Variants in TRAPPC9 observed in about 807,000 individuals in gnomAD.
The protein encoded by TRAPPC9 is trafficking protein particle complex subunit 9.
Under a neutral mutation model 124.0 loss-of-function variants are expected in TRAPPC9, and 83 were observed. The ratio of observed to expected loss-of-function variants is 0.67; its 90% CI spans 0.56 to 0.80. TRAPPC9 has a LOEUF of 0.80. Among genes scored for constraint, TRAPPC9 ranks in the 30% least tolerant of loss-of-function variants. TRAPPC9 has a pLI of 0.00. For synonymous variants in TRAPPC9, 638 were observed against 617.5 expected, an observed-to-expected ratio of 1.03 and a Z score of -0.49; for missense variants, 1,302 against 1,508.3, an observed-to-expected ratio of 0.86 and a Z score of 2.27.
At chr8:140,111,975 G>A (rs534166966) in intron 17 of TRAPPC9, among the ~76,000 whole-genome samples, 20 of 152,398 alleles carry the variant, frequency 1.3e-4, no homozygotes, top group African/African-American at 4.8e-4. Context: ...CGCCATGGCA[G>A]GACTTGGTGG....
chr8:139,894,555 G>A (rs574520331), intron 20 of TRAPPC9, among the ~76,000 whole-genome samples: 18 of 152,184 alleles, frequency 1.2e-4, no homozygotes, highest in East Asian at 1.2e-3. Context: ...TGCCTGCAGC[G>A]GAGGGAGGGG....
At chr8:140,400,015 G>A (rs761210319) in intron 6 of TRAPPC9, among the ~76,000 whole-genome samples, 8 of 152,138 alleles carry the variant, frequency 5.3e-5, no homozygotes, top group African/African-American at 1.2e-4. Context: ...AGGAGCTTCC[G>A]CTTTGGAGTC....
chr8:139,979,369 G>A (rs1027250518), intron 19 of TRAPPC9, among the ~76,000 whole-genome samples: 12 of 152,318 alleles, frequency 7.9e-5, no homozygotes, highest in African/African-American at 2.2e-4. Context: ...CAAGCCAAAC[G>A]TCTCTAGCCC....
At chr8:139,891,076 A>C (rs1349009040) in intron 20 of TRAPPC9, among the ~76,000 whole-genome samples, 1 of 152,146 alleles carries the variant, frequency 6.6e-6, no homozygotes, top group Non-Finnish European at 1.5e-5. Context: ...TTTTCTTAAG[A>C]GGAGTTGCTT....
intron 19 of TRAPPC9, among the ~76,000 whole-genome samples, chr8:139,964,224 C>CAAAAAAAA (rs1008397834): frequency 1.5e-5 from 1 of 67,666 alleles, no homozygotes; most frequent in Non-Finnish European, 2.9e-5. Flanking sequence ...GACTCTGTCT[C>CAAAAAAAA]AAAAAAAAAA....
Position 139,786,507 on chromosome 8 carries a change from TAA to T in TRAPPC9, c.3056-54307_3056-54306del, listed in dbSNP as rs756471569. Among the ~76,000 whole-genome samples the T allele has an allele frequency of 1.2e-3, 175 of 144,958 alleles. 1 individual carries two copies. The highest frequency in any genetic ancestry group is 4.2e-3 in the African/African-American group (165 of 39,640). Reference sequence around the variant, plus strand: ...TTTGTAGAACAGTTTGGAAGCTTCTTAAAAAAAAAAAAATACAACTACCACCT... The same window carrying T: ...TTTGTAGAACAGTTTGGAAGCTTCTTAAAAAAAAAAATACAACTACCACCT... On this transcript the variant is annotated intron_variant, in intron 21 of 22. Transcript: ENST00000438773.
chr8:139,940,170 C>A (rs1457378821), intron 19 of TRAPPC9, among the ~76,000 whole-genome samples: 1 of 152,196 alleles, frequency 6.6e-6, no homozygotes, highest in Non-Finnish European at 1.5e-5. Flanking sequence ...CGGCCTCCAC[C>A]CTCAGACACA....
intron 21 of TRAPPC9, among the ~76,000 whole-genome samples, chr8:139,757,383 CA>C (rs1371035508): frequency 1.2e-4 from 18 of 144,568 alleles, no homozygotes; most frequent in South Asian, 6.7e-4. Context: ...ATGAGGACAG[CA>C]GGTCGCAGGA....
chr8:139,897,800 T>A (rs893809375), intron 20 of TRAPPC9, among the ~76,000 whole-genome samples: 1 of 152,204 alleles, frequency 6.6e-6, no homozygotes, highest in African/African-American at 2.4e-5. Context: ...GTTTCCAGCA[T>A]AACCAGCCTG....
At chr8:140,006,674 A>C (rs1838773843) in intron 18 of TRAPPC9, among the ~76,000 whole-genome samples, 1 of 152,250 alleles carries the variant, frequency 6.6e-6, no homozygotes. Context: ...AAAAGAAATA[A>C]CATACATAAT....
chr8:139,966,710 G>T (rs1251158374), intron 19 of TRAPPC9, among the ~76,000 whole-genome samples: 1 of 152,134 alleles, frequency 6.6e-6, no homozygotes, highest in African/African-American at 2.4e-5. Context: ...CGGCCATAGG[G>T]GGTTGAGTCT....
chr8:140,129,440 G>A (rs536329328), intron 17 of TRAPPC9, among the ~76,000 whole-genome samples: 2 of 152,314 alleles, frequency 1.3e-5, no homozygotes, highest in East Asian at 3.9e-4. Context: ...CAAGTAGGGA[G>A]AAGAAGCGAT....
chr8:139,870,238 C>A (rs976246966), intron 21 of TRAPPC9, among the ~76,000 whole-genome samples: 1 of 152,056 alleles, frequency 6.6e-6, no homozygotes, highest in South Asian at 2.1e-4. Flanking sequence ...GGACCCATGC[C>A]GCACTCACCT....
chr8:139,746,630 GC>G (rs1233235761), intron 21 of TRAPPC9, among the ~76,000 whole-genome samples: 1 of 152,210 alleles, frequency 6.6e-6, no homozygotes, highest in East Asian at 1.9e-4. Flanking sequence ...CCAAAAAGCT[GC>G]CTGCACCAAG....
At chr8:139,830,199 C>T (rs1480375413) in intron 21 of TRAPPC9, among the ~76,000 whole-genome samples, 1 of 152,192 alleles carries the variant, frequency 6.6e-6, no homozygotes, top group Non-Finnish European at 1.5e-5. Flanking sequence ...CAAACACATA[C>T]ACACACATGC....
chr8:140,259,984 A>G (rs981484665), intron 15 of TRAPPC9, among the ~76,000 whole-genome samples: 2 of 152,264 alleles, frequency 1.3e-5, no homozygotes, highest in African/African-American at 4.8e-5. Flanking sequence ...CTGACATCGA[A>G]AAAGAAAACG....
chr8:139,992,784 G>T (rs1198675839), intron 18 of TRAPPC9, among the ~76,000 whole-genome samples: 2 of 151,820 alleles, frequency 1.3e-5, no homozygotes, highest in African/African-American at 2.4e-5. Context: ...CTGGAGAGAT[G>T]ATTGTATTGG....
rs757136848 is a variant in TRAPPC9 at position 139,731,176 on chromosome 8, G to A, written c.3332C>T (p.Thr1111Met). ...CCGGATGTGGAGGAAGAAGTCTCCC[G>A]TGTAGAGGAAGAGGAGGGCCCCGAG... ...ACLGALLFLY[T>M]GDFFLHIRFH... The change falls in exon 23 of 23, where the codon ACG becomes ATG. Residue 1111 changes from threonine to methionine, a missense_variant. Thr to Met is a moderately conservative substitution (Grantham distance 81). Around this residue, in one of 3 missense-constraint regions of TRAPPC9, gnomAD observed 640 missense variants for 679.3 expected, o/e 0.94. Coordinates refer to ENST00000438773, the MANE Select transcript of TRAPPC9 (RefSeq NM_001160372.4). 3.9e-5 allele frequency: 63 copies of A among 1,613,780 alleles called. No homozygotes were observed. Among genetic ancestry groups the A allele is most frequent in the Middle Eastern group, 3.3e-4 (2 of 6,076 alleles).
Position 140,360,038 on chromosome 8 carries a change from G to C in TRAPPC9, c.1495+12C>G, listed in dbSNP as rs770364834. On this transcript the variant is annotated intron_variant, in intron 9 of 22. Coordinates refer to ENST00000438773, the MANE Select transcript of TRAPPC9 (RefSeq NM_001160372.4). ...TCCTTGAAAAAAAACATTGTGGTTT[G>C]AGCTCACTCACCCTGATCCGACAAG... The C allele has an allele frequency of 1.4e-5, 22 of 1,613,890 alleles. No individual in the cohort carries two copies. Among genetic ancestry groups the C allele is most frequent in the Non-Finnish European group, 1.9e-5 (22 of 1,179,942 alleles).
Sources: gnomAD v4.1 joint callset for allele counts (sites outside exome capture counted in the v4.1 genomes callset) on GRCh38, gnomAD v4.1.1 for gene constraint, gnomAD v4.1.1 regional missense constraint, MANE v1.5 for transcripts, NCBI Gene and HGNC (gene_info 2026-07-23, HGNC 2026-07-21) for gene names.